Variants in SPOCK3 observed in about 807,000 individuals in gnomAD.
The protein encoded by SPOCK3 is SPARC (osteonectin), cwcv and kazal like domains proteoglycan 3.
A neutral mutation model predicts 56.6 loss-of-function variants in SPOCK3; 30 were observed. The observed-to-expected ratio is 0.53, with a 90% confidence interval of 0.40 to 0.72. SPOCK3 has a LOEUF of 0.72. SPOCK3 is among the 30% of genes least tolerant of loss of function. The probability of loss-of-function intolerance (pLI) is 0.00; values close to 1 mark genes in which losing one functional copy is unlikely to be tolerated. For synonymous variants in SPOCK3, 196 were observed against 183.3 expected, an observed-to-expected ratio of 1.07 and a Z score of -0.56; for missense variants, 527 against 530.0, an observed-to-expected ratio of 0.99 and a Z score of 0.06.
chr4:166,767,706 G>A (rs9684301), intron 7 of SPOCK3, among the ~76,000 whole-genome samples: 3 of 151,894 alleles, frequency 2.0e-5, no homozygotes, highest in Admixed American at 6.6e-5. Context: ...CTATTAGGTC[G>A]GCTTGGTGCA....
At chr4:166,963,143 A>G (rs1744328528) in intron 4 of SPOCK3, among the ~76,000 whole-genome samples, 1 of 151,896 alleles carries the variant, frequency 6.6e-6, no homozygotes, top group South Asian at 2.1e-4. Context: ...CAGCTCTACT[A>G]TTTCTGTCAC....
intron 3 of SPOCK3, among the ~76,000 whole-genome samples, chr4:167,057,028 T>G (rs1478903844): frequency 4.4e-4 from 67 of 152,060 alleles, no homozygotes; most frequent in Middle Eastern, 3.4e-3. Context: ...GTTAAGGGCA[T>G]CCAGAGAGAA....
At chr4:167,202,998 T>A (rs1300373057) in intron 2 of SPOCK3, among the ~76,000 whole-genome samples, 1 of 151,610 alleles carries the variant, frequency 6.6e-6, no homozygotes, top group East Asian at 1.9e-4. Flanking sequence ...GTTCTTTTGA[T>A]ATTTGTATTG....
chr4:166,776,426 C>CA (rs1265358446), intron 7 of SPOCK3, among the ~76,000 whole-genome samples: 4 of 146,592 alleles, frequency 2.7e-5, no homozygotes, highest in Non-Finnish European at 6.2e-5. Context: ...CAAAAGAAAA[C>CA]AAAAAAACAA....
intron 4 of SPOCK3, among the ~76,000 whole-genome samples, chr4:166,931,917 G>T (rs987644229): frequency 8.6e-5 from 13 of 152,044 alleles, no homozygotes; most frequent in Non-Finnish European, 1.6e-4. Context: ...TGGTATTTTA[G>T]GTCTTTTATT....
chr4:167,136,152 G>A (rs907019788), intron 2 of SPOCK3, among the ~76,000 whole-genome samples: 2 of 152,050 alleles, frequency 1.3e-5, no homozygotes, highest in African/African-American at 4.8e-5. Flanking sequence ...CCCAAATCAG[G>A]AGGTTCAGAA....
At chr4:166,783,495 A>T (rs570181426) in intron 7 of SPOCK3, among the ~76,000 whole-genome samples, 5 of 152,216 alleles carry the variant, frequency 3.3e-5, no homozygotes, top group Non-Finnish European at 5.9e-5. Context: ...TTAAAAAATA[A>T]GCATGCATTA....
chr4:166,958,434 A>T (rs916524560), intron 4 of SPOCK3, among the ~76,000 whole-genome samples: 6 of 152,200 alleles, frequency 3.9e-5, no homozygotes, highest in African/African-American at 1.4e-4. Context: ...GAACAAACTA[A>T]TACACCTCCT....
chr4:167,138,963 T>A (rs1357800843), intron 2 of SPOCK3, among the ~76,000 whole-genome samples: 1 of 151,972 alleles, frequency 6.6e-6, no homozygotes, highest in Admixed American at 6.6e-5. Context: ...TTCATTAAAA[T>A]TTTAACAACA....
intron 2 of SPOCK3, among the ~76,000 whole-genome samples, chr4:167,168,467 G>A (rs1288236758): frequency 2.6e-5 from 4 of 152,124 alleles, no homozygotes; most frequent in African/African-American, 9.7e-5. Flanking sequence ...CCAGGCTGAG[G>A]TGGTCTCAGA....
At chr4:166,961,598 T>C (rs770709201) in intron 4 of SPOCK3, among the ~76,000 whole-genome samples, 20 of 152,022 alleles carry the variant, frequency 1.3e-4, no homozygotes, top group Admixed American at 8.5e-4. Context: ...TTCAAGCTTC[T>C]GGCTCAAGTT....
chr4:167,116,597 CA>C (rs1173548569), intron 2 of SPOCK3, among the ~76,000 whole-genome samples: 4 of 131,544 alleles, frequency 3.0e-5, no homozygotes, highest in African/African-American at 1.1e-4. Context: ...TATATATATA[CA>C]TATATACTAT....
intron 2 of SPOCK3, among the ~76,000 whole-genome samples, chr4:167,094,728 ATG>A (rs1759000287): frequency 6.6e-6 from 1 of 152,146 alleles, no homozygotes; most frequent in Non-Finnish European, 1.5e-5. Context: ...AAAGTAAATT[ATG>A]TCTTCTCTCA....
At chr4:166,752,206 G>A (rs974149134) in intron 8 of SPOCK3, among the ~76,000 whole-genome samples, 1 of 151,776 alleles carries the variant, frequency 6.6e-6, no homozygotes, top group Admixed American at 6.6e-5. Flanking sequence ...TGTGTTTTTT[G>A]TAGAGACAGG....
At chr4:166,883,712 C>G (rs901003508) in intron 6 of SPOCK3, among the ~76,000 whole-genome samples, 4 of 152,182 alleles carry the variant, frequency 2.6e-5, no homozygotes, top group African/African-American at 9.6e-5. Flanking sequence ...AAACAAATGT[C>G]TTTTAGTAAC....
At chr4:166,776,861 G>A (rs746605183) in intron 7 of SPOCK3, among the ~76,000 whole-genome samples, 2 of 152,056 alleles carry the variant, frequency 1.3e-5, no homozygotes, top group Non-Finnish European at 2.9e-5. Flanking sequence ...CTTCACTTAA[G>A]GGCATAGAAA....
At chr4:166,741,123 A>G in intron 9 of SPOCK3, among the ~76,000 whole-genome samples, 1 of 152,160 alleles carries the variant, frequency 6.6e-6, no homozygotes. Flanking sequence ...TAAATACACG[A>G]GTGTGTTAAT....
intron 2 of SPOCK3, among the ~76,000 whole-genome samples, chr4:167,206,337 AAAAT>A (rs1001329078): frequency 1.3e-5 from 2 of 152,116 alleles, no homozygotes; most frequent in Non-Finnish European, 2.9e-5. Flanking sequence ...AAAATAAAAA[AAAAT>A]AAGTATGTTT....
In SPOCK3 at chr4:166,951,206, G is replaced by T. The variant is rs534225923; in HGVS notation, c.351-38463C>A. Among the ~76,000 whole-genome samples, 4 of 142,024 alleles carry T rather than the reference G, an allele frequency of 2.8e-5. 1 individual carries two copies. The South Asian group carries it at 8.7e-4, about 31-fold the overall frequency. 93.2% of individuals were successfully genotyped at this position (142,024 alleles called of 152,430 possible). A position where few individuals can be genotyped will look rare whatever the true frequency, so the allele number is the denominator to read the frequency against. On this transcript the variant is annotated intron_variant, in intron 4 of 10. Coordinates refer to ENST00000357545, the MANE Select transcript of SPOCK3 (RefSeq NM_001040159.2). ...ACTGCTAGCAAGACTAATAAAAAAA[G>T]AGAGAAGAATCAAATAGATGCAATA...
Sources: allele counts gnomAD v4.1 joint callset (sites outside exome capture counted in the v4.1 genomes callset), GRCh38; gene constraint gnomAD v4.1.1; transcripts MANE v1.5; gene names NCBI Gene and HGNC (gene_info 2026-07-23, HGNC 2026-07-21).